The following PECR variants were observed in gnomAD, a reference collection of about 807,000 sequenced individuals.
PECR encodes the protein 2,4-dienoyl-CoA reductase-related protein.
Under a neutral mutation model 35.3 loss-of-function variants are expected in PECR, and 30 were observed. That is an observed-to-expected ratio of 0.85 (90% CI 0.64 to 1.15). The LOEUF (loss-of-function observed/expected upper bound fraction) is 1.15, where lower values mean the gene tolerates loss of function less well. Among genes scored for constraint, PECR ranks in the 50% most tolerant of loss-of-function variants. PECR has a pLI of 0.00. For synonymous variants in PECR, 148 were observed against 138.9 expected, an observed-to-expected ratio of 1.07 and a Z score of -0.46; for missense variants, 392 against 370.8, an observed-to-expected ratio of 1.06 and a Z score of -0.47.
At chr2:216,077,521 T>C (rs1695734953) in intron 1 of PECR, among the ~76,000 whole-genome samples, 1 of 140,298 alleles carries the variant, frequency 7.1e-6, no homozygotes, top group African/African-American at 2.7e-5. Context: ...AAAAAATACA[T>C]GCAGGGCCGG....
intron 7 of PECR, among the ~76,000 whole-genome samples, chr2:216,030,954 TCTCACA>T (rs1160192812): frequency 1.4e-4 from 15 of 109,494 alleles, no homozygotes; most frequent in African/African-American, 5.5e-4. Flanking sequence ...TCTCTCTCTC[TCTCACA>T]CACACACACA....
chr2:216,077,025 G>A lies in PECR; in HGVS notation c.124+4593C>T, dbSNP rs959056511. Among the ~76,000 whole-genome samples the A allele has an allele frequency of 1.5e-4, 22 of 148,280 alleles. No homozygotes were observed. The East Asian group carries it at 1.7e-3, about 12-fold the overall frequency. On this transcript the variant is annotated intron_variant, in intron 1 of 7. Transcript: ENST00000265322. ...CAGCGATTCTCCTGCCTCAGCCTCC[G>A]AGTAATTGGGATTACACGCACGCAC...
At chr2:216,036,572 A>G (rs1343168456), downstream of PECR, among the ~76,000 whole-genome samples, 2 of 152,192 alleles carry the variant, frequency 1.3e-5, no homozygotes, top group Non-Finnish European at 2.9e-5. Context: ...GCCTGCTGGT[A>G]TTCCTGTGGG....
At chr2:216,056,026 T>C (rs1338050135) in intron 4 of PECR, among the ~76,000 whole-genome samples, 1 of 152,184 alleles carries the variant, frequency 6.6e-6, no homozygotes, top group Non-Finnish European at 1.5e-5. Context: ...GCTCCTTTTA[T>C]CTTGCACACT....
intron 1 of PECR, among the ~76,000 whole-genome samples, chr2:216,068,633 A>G (rs1695519915): frequency 6.6e-6 from 1 of 152,028 alleles, no homozygotes; most frequent in Non-Finnish European, 1.5e-5. Context: ...AAAGAGAACT[A>G]AAAATGGTTC....
intron 6 of PECR, 42 bp from the exon 7 acceptor site, chr2:216,044,057 C>T: frequency 1.0e-6 from 1 of 997,000 alleles, no homozygotes. Flanking sequence ...AAAGCAAATA[C>T]TCCCCATTTC....
intron 6 of PECR, among the ~76,000 whole-genome samples, chr2:216,044,454 T>C (rs766188006): frequency 1.3e-5 from 2 of 152,218 alleles, no homozygotes; most frequent in African/African-American, 4.8e-5. Flanking sequence ...TGTTTAGCAA[T>C]AAACTAGCAT....
intron 1 of PECR, among the ~76,000 whole-genome samples, chr2:216,078,428 C>G (rs1202130297): frequency 6.6e-6 from 1 of 151,972 alleles, no homozygotes; most frequent in Non-Finnish European, 1.5e-5. Context: ...GTCAGGAGTT[C>G]AAGACCAGCC....
At chr2:216,081,426 G>A (rs1455652887) in intron 1 of PECR, among the ~76,000 whole-genome samples, 192 bp downstream of exon 1, 1 of 152,154 alleles carries the variant, frequency 6.6e-6, no homozygotes, top group Admixed American at 6.6e-5. Flanking sequence ...TTTTTAACGA[G>A]TGGCTCCACA....
chr2:216,064,189 A>C (rs926660627), intron 3 of PECR: 2 of 152,238 alleles, frequency 1.3e-5, no homozygotes, highest in African/African-American at 4.8e-5. Context: ...AGCTTGGGTT[A>C]GAGACCACTA....
intron 5 of PECR, among the ~76,000 whole-genome samples, chr2:216,050,008 A>G (rs1048659933): frequency 6.6e-6 from 1 of 152,264 alleles, no homozygotes; most frequent in Admixed American, 6.5e-5. Context: ...GTGTGAGCCT[A>G]GGAGTTTGAG....
chr2:216,031,105 G>A (rs1369807354), intron 7 of PECR, among the ~76,000 whole-genome samples: 2 of 151,890 alleles, frequency 1.3e-5, no homozygotes, highest in Admixed American at 6.6e-5. Context: ...TGGTAACAAC[G>A]CGTTAGAAAG....
intron 1 of PECR, among the ~76,000 whole-genome samples, chr2:216,072,747 A>C (rs755237925): frequency 6.6e-6 from 1 of 152,138 alleles, no homozygotes; most frequent in African/African-American, 2.4e-5. Context: ...TATATAACAT[A>C]TTTTCTTTAT....
rs190538736 is a variant in PECR at position 216,048,221 on chromosome 2, T to C, written c.714+1042A>G. 5.6e-3 allele frequency among the ~76,000 whole-genome samples: 852 copies of C among 151,818 alleles called. 10 individuals carry two copies. The highest frequency in any genetic ancestry group is 0.019 in the African/African-American group (807 of 41,412). Reference sequence around the variant, plus strand: ...TCCCCAGTAGCTGGGACTACAGGTGTCCGCCACCACACCCGGGTAATTTTT... The same window carrying C: ...TCCCCAGTAGCTGGGACTACAGGTGCCCGCCACCACACCCGGGTAATTTTT... On this transcript the variant is annotated intron_variant, in intron 6 of 7. Transcript: ENST00000265322.
At chr2:216,062,511 A>C (rs1437825283) in intron 3 of PECR, among the ~76,000 whole-genome samples, 1 of 152,222 alleles carries the variant, frequency 6.6e-6, no homozygotes, top group Admixed American at 6.5e-5. Context: ...CCAATAATTT[A>C]TATGTGGATT....
In PECR at chr2:216,039,172, A is replaced by C; in HGVS notation, c.*103T>G. The C allele has an allele frequency of 1.3e-6, 1 of 750,504 alleles. No individual in the cohort carries two copies. The highest frequency in any genetic ancestry group is 1.7e-5 in the African/African-American group (1 of 57,980). 46.5% of individuals were successfully genotyped at this position (750,504 alleles called of 1,614,324 possible). On this transcript the variant is annotated 3_prime_UTR_variant, in exon 8 of 8. Transcript: ENST00000265322. ...ATATAATTAATAACACTTAAAAATA[A>C]GAAAAATGTTTTCCATACCAACTAT...
At position 216,049,495 on chromosome 2, in the gene PECR, A is replaced by G. The variant is rs1185094007; in HGVS notation, c.604-122T>C. ...AGTAGCTTAAGTCAAAAAAAAGTTA[A>G]CAGTGCTGATATTAAATTTCCTCCA... On this transcript the variant is annotated intron_variant, in intron 5 of 7. Transcript: ENST00000265322. 3 of 593,300 alleles carry G rather than the reference A, an allele frequency of 5.1e-6. No individual in the cohort carries two copies. The Admixed American group carries it at 8.7e-5, about 17-fold the overall frequency. 36.8% of individuals were successfully genotyped at this position (593,300 alleles called of 1,614,324 possible).
chr2:216,037,219 C>G (rs1237501291), downstream of PECR, among the ~76,000 whole-genome samples: 1 of 152,162 alleles, frequency 6.6e-6, no homozygotes. Flanking sequence ...ACATAAGAGT[C>G]CTGGATAATA....
At chr2:216,061,943 GTTTA>G (rs981401045) in intron 3 of PECR, among the ~76,000 whole-genome samples, 6 of 151,264 alleles carry the variant, frequency 4.0e-5, no homozygotes, top group African/African-American at 1.5e-4. Flanking sequence ...CTTTCAAATT[GTTTA>G]TTTAAAACGA....
Sources: allele counts gnomAD v4.1 joint callset (sites outside exome capture counted in the v4.1 genomes callset), GRCh38; gene constraint gnomAD v4.1.1; transcripts MANE v1.5; gene names NCBI Gene and HGNC (gene_info 2026-07-23, HGNC 2026-07-21).